Variants in ZNF536 observed in about 807,000 individuals in gnomAD.
ZNF536 encodes zinc finger protein 536.
A neutral mutation model predicts 84.5 loss-of-function variants in ZNF536; 13 were observed. The ratio of observed to expected loss-of-function variants is 0.15; its 90% CI spans 0.10 to 0.24. The LOEUF (loss-of-function observed/expected upper bound fraction) is 0.24. Among genes scored for constraint, ZNF536 ranks in the 10% least tolerant of loss-of-function variants. The pLI is 1.00. For synonymous variants in ZNF536, 811 were observed against 742.5 expected, an observed-to-expected ratio of 1.09 and a Z score of -1.50; for missense variants, 1,536 against 1,747.5, an observed-to-expected ratio of 0.88 and a Z score of 2.16.
chr19:30,700,237 T>TC, intron 1 of ZNF536, among the ~76,000 whole-genome samples: 2 of 130,814 alleles, frequency 1.5e-5, no homozygotes, highest in African/African-American at 5.8e-5. Flanking sequence ...TCTTTCTTTC[T>TC]TTCTCTCTCT....
chr19:30,410,537 C>T (rs911901891), intron 1 of ZNF536, among the ~76,000 whole-genome samples: 1 of 136,388 alleles, frequency 7.3e-6, no homozygotes, highest in Non-Finnish European at 1.5e-5. Context: ...TGCAGTGGCG[C>T]GATCTCGGCT....
intron 1 of ZNF536, among the ~76,000 whole-genome samples, chr19:30,695,675 T>C (rs1448099270): frequency 6.6e-6 from 1 of 152,078 alleles, no homozygotes; most frequent in African/African-American, 2.4e-5. Context: ...TGGATGGCTA[T>C]AGAGGAGGGG....
At chr19:30,341,857 G>T (rs2146556694) in intron 2 of ZNF536, among the ~76,000 whole-genome samples, 1 of 152,292 alleles carries the variant, frequency 6.6e-6, no homozygotes, top group African/African-American at 2.4e-5. Context: ...ATGTTGAAAT[G>T]AAAGTCCCTG....
rs566590624 is a variant in ZNF536 at position 30,603,557 on chromosome 19, A to G, written c.169+54043A>G. Among the ~76,000 whole-genome samples the G allele has an allele frequency of 1.2e-4, 19 of 152,328 alleles. No individual in the cohort carries two copies. In the East Asian group the frequency reaches 3.5e-3, roughly 28 times the overall value. On this transcript the variant is annotated intron_variant, in intron 1 of 1. Coordinates refer to the ZNF536 transcript ENST00000592773. ...TTTTATTGCTACTATTATCTTATTG[A>G]ACACTATGGATATTATTGTGCATAT...
chr19:30,234,107 C>T (rs1048272007), intron 1 of ZNF536, among the ~76,000 whole-genome samples: 11 of 152,252 alleles, frequency 7.2e-5, no homozygotes, highest in African/African-American at 2.7e-4. Context: ...CCTCTACCTA[C>T]TATTCTTAGT....
intron 2 of ZNF536, among the ~76,000 whole-genome samples, chr19:30,298,111 C>T (rs893785994): frequency 2.6e-5 from 4 of 152,144 alleles, no homozygotes; most frequent in Non-Finnish European, 5.9e-5. Flanking sequence ...AACTCCTGGC[C>T]TTGTGATCAG....
At chr19:30,459,955 G>A (rs1265115385) in intron 2 of ZNF536, among the ~76,000 whole-genome samples, 1 of 152,142 alleles carries the variant, frequency 6.6e-6, no homozygotes, top group Non-Finnish European at 1.5e-5. Context: ...GAGGAGCAGT[G>A]AGATTCACGG....
At chr19:30,493,216 A>T (rs1488571418) in intron 2 of ZNF536, among the ~76,000 whole-genome samples, 1 of 150,478 alleles carries the variant, frequency 6.6e-6, no homozygotes, top group African/African-American at 2.5e-5. Flanking sequence ...GCTAATGAAA[A>T]CGTGTGTAAT....
Position 30,444,349 on chromosome 19 carries a change from G to T in ZNF536, c.787G>T (p.Val263Leu), listed in dbSNP as rs761513607. ...GGTGCCCTCGCCCAAGCCTGCCAGC[G>T]TGCAGGAGGACGCGGTGGCCCCGGC... Reference protein sequence around the residue: ...HPVPSPKPASVQEDAVAPAAG... With the variant: ...HPVPSPKPASLQEDAVAPAAG... The change falls in exon 2 of 5, where the codon GTG becomes TTG. Residue 263 changes from valine (V) to leucine (L), a missense_variant. Val to Leu is a conservative substitution (Grantham distance 32). This residue lies in a region of ZNF536 where 138 missense variants were observed against 136.8 expected (regional missense o/e 1.01). Coordinates refer to ENST00000355537, the MANE Select transcript of ZNF536 (RefSeq NM_014717.3). 1 of 1,599,328 alleles carries T rather than the reference G, an allele frequency of 6.3e-7. No individual in the cohort carries two copies. The highest frequency in any genetic ancestry group is 8.5e-7 in the Non-Finnish European group (1 of 1,178,336).
intron 2 of ZNF536, among the ~76,000 whole-genome samples, chr19:30,465,993 G>A (rs570841905): frequency 2.0e-5 from 3 of 152,076 alleles, no homozygotes; most frequent in East Asian, 1.9e-4. Context: ...CTTGTGATCC[G>A]ACCACCTCGG....
chr19:30,228,762 C>G lies in ZNF536; in HGVS notation c.-190+89C>G, dbSNP rs2022778629. 1 of 150,954 alleles carries G rather than the reference C, an allele frequency of 6.6e-6. No homozygotes were observed. The highest frequency in any genetic ancestry group is 2.4e-5 in the African/African-American group (1 of 41,182). 9.4% of individuals were successfully genotyped at this position (150,954 alleles called of 1,614,324 possible). ...CCGCGAGCTGCGCGCCGCCCCGGGC[C>G]GGCCTCGCGTGTGGGCGGCTGGGCG... On this transcript the variant is annotated intron_variant, in intron 1 of 5. Coordinates refer to the ZNF536 transcript ENST00000585628. The surrounding 1 kb of genome is among the most constrained non-coding windows in gnomAD (Gnocchi z 4.5).
intron 2 of ZNF536, among the ~76,000 whole-genome samples, chr19:30,455,846 A>G (rs2052814503): frequency 6.6e-6 from 1 of 152,252 alleles, no homozygotes; most frequent in Non-Finnish European, 1.5e-5. Context: ...ATACTTTTCC[A>G]GTCCTTTTTA....
intron 1 of ZNF536, among the ~76,000 whole-genome samples, chr19:30,275,799 G>A (rs183548034): frequency 5.3e-5 from 8 of 151,894 alleles, no homozygotes; most frequent in African/African-American, 1.9e-4. Context: ...TTCAAGAATG[G>A]TCAGTCAATG....
At chr19:30,638,744 A>G (rs925474256) in intron 1 of ZNF536, among the ~76,000 whole-genome samples, 1 of 152,138 alleles carries the variant, frequency 6.6e-6, no homozygotes, top group African/African-American at 2.4e-5. Flanking sequence ...TGGGCTTCTG[A>G]GGGGATTGTA....
At chr19:30,513,471 C>T (rs1012150359) in intron 2 of ZNF536, among the ~76,000 whole-genome samples, 12 of 152,160 alleles carry the variant, frequency 7.9e-5, no homozygotes, top group Non-Finnish European at 1.6e-4. Context: ...CTTCTCTGTG[C>T]CCCCAACCCC....
intron 1 of ZNF536, among the ~76,000 whole-genome samples, chr19:30,636,654 ACT>A (rs1430024623): frequency 6.6e-6 from 1 of 152,076 alleles, no homozygotes; most frequent in East Asian, 1.9e-4. Flanking sequence ...ATTTTTGGAC[ACT>A]CTGGAATAAC....
At chr19:30,541,816 A>G (rs1379735769) in intron 3 of ZNF536, among the ~76,000 whole-genome samples, 1 of 152,218 alleles carries the variant, frequency 6.6e-6, no homozygotes, top group Non-Finnish European at 1.5e-5. Context: ...AGTGACAGCA[A>G]TTAGAGACAC....
intron 1 of ZNF536, among the ~76,000 whole-genome samples, chr19:30,238,356 G>A (rs370597777): frequency 1.3e-5 from 2 of 152,072 alleles, no homozygotes; most frequent in East Asian, 3.9e-4. Context: ...AGTTATGGAG[G>A]GGTCTGGGGT....
At chr19:30,531,009 G>T (rs2044790429) in intron 2 of ZNF536, among the ~76,000 whole-genome samples, 1 of 152,284 alleles carries the variant, frequency 6.6e-6, no homozygotes, top group African/African-American at 2.4e-5. Context: ...ACTGTGCTTG[G>T]CTTTCAGCCT....
Sources: gnomAD v4.1 joint callset for allele counts (sites outside exome capture counted in the v4.1 genomes callset) on GRCh38, gnomAD v4.1.1 for gene constraint, gnomAD v4.1.1 regional missense constraint, Gnocchi (gnomAD v3.1) non-coding constraint, MANE v1.5 for transcripts, NCBI Gene and HGNC (gene_info 2026-07-23, HGNC 2026-07-21) for gene names.